The following NAALADL2 variants were observed in gnomAD, a reference collection of about 807,000 sequenced individuals.
NAALADL2 encodes N-acetylated alpha-linked acidic dipeptidase like 2.
A neutral mutation model predicts 87.2 loss-of-function variants in NAALADL2; 76 were observed. That is an observed-to-expected ratio of 0.87 (90% CI 0.72 to 1.05). The LOEUF (loss-of-function observed/expected upper bound fraction) is 1.05, where lower values mean the gene tolerates loss of function less well. Ranked by LOEUF, NAALADL2 falls within the 50% of genes least tolerant of loss-of-function variation. The pLI is 0.00. For synonymous variants in NAALADL2, 354 were observed against 331.0 expected, an observed-to-expected ratio of 1.07 and a Z score of -0.75; for missense variants, 1,089 against 945.8, an observed-to-expected ratio of 1.15 and a Z score of -1.99.
intron 4 of NAALADL2, among the ~76,000 whole-genome samples, chr3:175,280,862 A>G (rs1436699481): frequency 6.6e-6 from 1 of 151,980 alleles, no homozygotes; most frequent in Non-Finnish European, 1.5e-5. Flanking sequence ...TAATCTTTTT[A>G]TCCTGATGCT....
intron 1 of NAALADL2, among the ~76,000 whole-genome samples, chr3:174,869,953 G>A (rs543630230): frequency 3.7e-5 from 5 of 133,928 alleles, no homozygotes; most frequent in African/African-American, 1.5e-4. Context: ...CCGAGATCAC[G>A]CCATTGCACC....
chr3:174,803,112 C>T (rs1719034051), intron 3 of NAALADL2, among the ~76,000 whole-genome samples: 1 of 152,270 alleles, frequency 6.6e-6, no homozygotes, highest in East Asian at 1.9e-4. Flanking sequence ...AAAAGCATTC[C>T]TATTTCTCCA....
At chr3:175,802,461 T>C (rs1263530568) in intron 13 of NAALADL2, among the ~76,000 whole-genome samples, 1 of 151,410 alleles carries the variant, frequency 6.6e-6, no homozygotes, top group Non-Finnish European at 1.5e-5. Context: ...CATCCTACAA[T>C]ACACAAGGCA....
Position 175,287,458 on chromosome 3 carries a change from A to T in NAALADL2, c.939+30928A>T, listed in dbSNP as rs553068029. Among the ~76,000 whole-genome samples the T allele has an allele frequency of 1.4e-4, 21 of 152,322 alleles. No homozygotes were observed. In the East Asian group the frequency reaches 4.1e-3, roughly 29 times the overall value. Reference sequence around the variant, plus strand: ...ATACTTTTTAATACATTAACTCAGTAACCCTCATAACAACCCATTGAAGGA... The same window carrying T: ...ATACTTTTTAATACATTAACTCAGTTACCCTCATAACAACCCATTGAAGGA... On this transcript the variant is annotated intron_variant, in intron 4 of 13. Coordinates refer to ENST00000454872, the MANE Select transcript of NAALADL2 (RefSeq NM_207015.3).
chr3:175,156,865 C>T (rs908774831), intron 2 of NAALADL2, among the ~76,000 whole-genome samples: 1 of 152,038 alleles, frequency 6.6e-6, no homozygotes, highest in Non-Finnish European at 1.5e-5. Context: ...TAGCTAACCT[C>T]TTGTATCTCA....
rs573900924 is a variant in NAALADL2 at position 175,798,709 on chromosome 3, A to G, written c.2190-4296A>G. Reference sequence around the variant, plus strand: ...AGACCTGAACATTTTTTTAGGATGTATTTTTATTCTTCTACATTATACCTC... The same window carrying G: ...AGACCTGAACATTTTTTTAGGATGTGTTTTTATTCTTCTACATTATACCTC... On this transcript the variant is annotated intron_variant, in intron 13 of 13. Transcript: ENST00000454872. 1.3e-5 allele frequency among the ~76,000 whole-genome samples: 2 copies of G among 152,088 alleles called. 1 individual carries two copies. The highest frequency in any genetic ancestry group is 4.8e-5 in the African/African-American group (2 of 41,544).
At chr3:175,573,229 A>G (rs893487537) in intron 9 of NAALADL2, among the ~76,000 whole-genome samples, 20 of 152,224 alleles carry the variant, frequency 1.3e-4, no homozygotes, top group African/African-American at 4.8e-4. Flanking sequence ...TGTAAAACAA[A>G]ATTAATGCCA....
intron 9 of NAALADL2, among the ~76,000 whole-genome samples, chr3:175,531,874 G>A (rs1734128150): frequency 6.6e-6 from 1 of 152,196 alleles, no homozygotes; most frequent in African/African-American, 2.4e-5. Flanking sequence ...ATTGAATGGG[G>A]CTGTGGTGGG....
chr3:175,422,457 T>G (rs1169037365), intron 5 of NAALADL2, among the ~76,000 whole-genome samples: 1 of 152,092 alleles, frequency 6.6e-6, no homozygotes, highest in Non-Finnish European at 1.5e-5. Context: ...ATTCCTGTCC[T>G]TTAGTTAATT....
chr3:175,649,930 A>G (rs1730523709), intron 11 of NAALADL2, among the ~76,000 whole-genome samples: 1 of 152,184 alleles, frequency 6.6e-6, no homozygotes, highest in East Asian at 1.9e-4. Context: ...CTGTTTATAT[A>G]CTATGGTACA....
intron 5 of NAALADL2, among the ~76,000 whole-genome samples, chr3:175,441,836 C>T (rs973629289): frequency 1.1e-4 from 17 of 152,256 alleles, no homozygotes; most frequent in Non-Finnish European, 2.2e-4. Flanking sequence ...CTTATCTAAC[C>T]TCTCAGTGCT....
At chr3:174,945,424 T>C (rs1284427699) in intron 1 of NAALADL2, among the ~76,000 whole-genome samples, 1 of 152,180 alleles carries the variant, frequency 6.6e-6, no homozygotes, top group Non-Finnish European at 1.5e-5. Flanking sequence ...ATCTGAGATT[T>C]GGCCTACATT....
intron 9 of NAALADL2, among the ~76,000 whole-genome samples, chr3:175,492,924 C>T (rs1291453285): frequency 1.3e-5 from 2 of 151,894 alleles, no homozygotes; most frequent in Non-Finnish European, 1.5e-5. Context: ...CACCATTAAG[C>T]GTGTTATAAA....
intron 3 of NAALADL2, among the ~76,000 whole-genome samples, chr3:174,771,376 T>C (rs533876830): frequency 2.0e-5 from 3 of 152,304 alleles, no homozygotes; most frequent in Admixed American, 6.5e-5. Flanking sequence ...CTAGCTTCTA[T>C]TGAGTGCAAT....
chr3:175,471,932 G>T (rs1012987213), intron 9 of NAALADL2, among the ~76,000 whole-genome samples, 174 bp downstream of exon 9: 1 of 151,976 alleles, frequency 6.6e-6, no homozygotes, highest in Non-Finnish European at 1.5e-5. Flanking sequence ...AATTTCTTAT[G>T]TTCTGGAATT....
chr3:175,134,656 C>CT (rs1728820791), intron 2 of NAALADL2, among the ~76,000 whole-genome samples: 1 of 151,996 alleles, frequency 6.6e-6, no homozygotes, highest in Non-Finnish European at 1.5e-5. Flanking sequence ...TAATAAAGCT[C>CT]TTTTGAAGAC....
At chr3:175,799,601 C>T (rs991710884) in intron 13 of NAALADL2, among the ~76,000 whole-genome samples, 1 of 152,098 alleles carries the variant, frequency 6.6e-6, no homozygotes, top group Admixed American at 6.6e-5. Flanking sequence ...ATATTCCAGG[C>T]AGTTTCATCT....
chr3:175,755,460 T>G, intron 13 of NAALADL2, 42 bp downstream of exon 13: 1 of 1,405,600 alleles, frequency 7.1e-7, no homozygotes, highest in Non-Finnish European at 9.6e-7. Context: ...TGCCCTACAT[T>G]AAATGTTTAT....
intron 5 of NAALADL2, among the ~76,000 whole-genome samples, chr3:175,393,434 AT>A (rs961144341): frequency 1.3e-5 from 2 of 151,768 alleles, no homozygotes; most frequent in East Asian, 1.9e-4. Flanking sequence ...TTGAAATCAT[AT>A]TTTTTTAATT....
Sources: allele counts gnomAD v4.1 joint callset (sites outside exome capture counted in the v4.1 genomes callset), GRCh38; gene constraint gnomAD v4.1.1; transcripts MANE v1.5; gene names NCBI Gene and HGNC (gene_info 2026-07-23, HGNC 2026-07-21).